The following KATNAL2 variants were observed in gnomAD, a reference collection of about 807,000 sequenced individuals.
The protein encoded by KATNAL2 is katanin catalytic subunit A1 like 2.
KATNAL2 carries 52 observed loss-of-function variants against 76.3 expected under a neutral mutation model. The ratio of observed to expected loss-of-function variants is 0.68; its 90% CI spans 0.55 to 0.86. The LOEUF is 0.86. Among genes scored for constraint, KATNAL2 ranks in the 40% least tolerant of loss-of-function variants. KATNAL2 has a pLI of 0.00. For synonymous variants in KATNAL2, 243 were observed against 244.2 expected (o/e 1.00, Z 0.05); for missense variants, 660 against 668.9 (o/e 0.99, Z 0.15).
chr18:47,063,749 T>G (rs572370429), intron 10 of KATNAL2, among the ~76,000 whole-genome samples: 1 of 152,278 alleles, frequency 6.6e-6, no homozygotes, highest in South Asian at 2.1e-4. Context: ...GGGAGTCTGA[T>G]GATATCATCA....
At chr18:47,095,552 C>A (rs1318605181) in intron 15 of KATNAL2, among the ~76,000 whole-genome samples, 1 of 152,200 alleles carries the variant, frequency 6.6e-6, no homozygotes, top group Non-Finnish European at 1.5e-5. Context: ...GTCAATTAAA[C>A]CCCTTTCCTT....
At chr18:47,034,016 A>T (rs761815595) in intron 3 of KATNAL2, 1 of 1,614,050 alleles carries the variant, frequency 6.2e-7, no homozygotes. Flanking sequence ...GTGCCCTTGG[A>T]TTCGTTTGCT....
chr18:47,098,873 T>A (rs72905421), intron 15 of KATNAL2: 5,990 of 184,536 alleles, frequency 0.032, 117 homozygotes, highest in Non-Finnish European at 0.04. Flanking sequence ...ACAACTGCAA[T>A]CAGAATACTC....
intron 3 of KATNAL2, chr18:47,033,752 C>A: frequency 1.9e-6 from 3 of 1,614,210 alleles, no homozygotes; most frequent in Non-Finnish European, 2.5e-6. Context: ...ACTCTGCGTC[C>A]AGGGAAAGCA....
chr18:47,100,224 G>C, intron 16 of KATNAL2, 30 bp from the exon 17 acceptor site: 1 of 1,547,598 alleles, frequency 6.5e-7, no homozygotes, highest in Non-Finnish European at 8.9e-7. Context: ...TCTGCCCACT[G>C]ACCAATGGCT....
intron 15 of KATNAL2, among the ~76,000 whole-genome samples, chr18:47,088,611 C>T (rs1240262703): frequency 6.6e-6 from 1 of 152,108 alleles, no homozygotes; most frequent in Non-Finnish European, 1.5e-5. Flanking sequence ...GGGGGTCTCA[C>T]TCTGTTACCC....
At chr18:46,927,123 C>T (rs1306866893) in intron 1 of KATNAL2, among the ~76,000 whole-genome samples, 2 of 152,116 alleles carry the variant, frequency 1.3e-5, no homozygotes, top group Non-Finnish European at 2.9e-5. Flanking sequence ...TTGATCCTGT[C>T]ATTATGATGT....
intron 3 of KATNAL2, chr18:47,033,961 T>G (rs1393073796): frequency 6.2e-7 from 1 of 1,613,164 alleles, no homozygotes; most frequent in Non-Finnish European, 8.5e-7. Context: ...TGACTGGCTT[T>G]CCTGGACAGG....
At chr18:47,048,904 G>C (rs528995929) in intron 4 of KATNAL2, among the ~76,000 whole-genome samples, 1 of 131,944 alleles carries the variant, frequency 7.6e-6, no homozygotes, top group Non-Finnish European at 1.5e-5. Context: ...GCGCGATCTC[G>C]GCTCACTGCA....
intron 3 of KATNAL2, chr18:47,033,949 T>C: frequency 1.2e-6 from 2 of 1,613,132 alleles, no homozygotes; most frequent in Non-Finnish European, 1.7e-6. Flanking sequence ...CTGCAGCCTC[T>C]CTGACTGGCT....
intron 4 of KATNAL2, among the ~76,000 whole-genome samples, chr18:47,051,727 C>T (rs2061346209): frequency 6.6e-6 from 1 of 152,156 alleles, no homozygotes; most frequent in Admixed American, 6.5e-5. Context: ...AGGAGAGATA[C>T]ATACATTTCA....
intron 11 of KATNAL2, among the ~76,000 whole-genome samples, chr18:47,068,623 C>T (rs1413673764): frequency 6.6e-6 from 1 of 152,148 alleles, no homozygotes; most frequent in Non-Finnish European, 1.5e-5. Context: ...CACACCCTCT[C>T]CCCCATTCTC....
chr18:47,053,073 GC>G, intron 5 of KATNAL2, 27 bp downstream of exon 5: 2 of 1,531,722 alleles, frequency 1.3e-6, no homozygotes, highest in Non-Finnish European at 1.8e-6. Flanking sequence ...TAGAGATAAG[GC>G]TTTGTCTCAT....
chr18:47,056,617 A>G (rs914840893), intron 6 of KATNAL2, among the ~76,000 whole-genome samples: 3 of 152,210 alleles, frequency 2.0e-5, no homozygotes, highest in Non-Finnish European at 4.4e-5. Context: ...CCATGTTCAG[A>G]AGAATTTTAC....
At chr18:47,034,058 C>A (rs892586) in intron 3 of KATNAL2, 896,137 of 1,613,932 alleles carry the variant, frequency 0.56, 250,699 homozygotes, top group East Asian at 0.71. Context: ...GCAGTGGTGG[C>A]AGATTTTCCA....
At chr18:47,032,711 T>C (rs909471268) in intron 3 of KATNAL2, 1 of 494,340 alleles carries the variant, frequency 2.0e-6, no homozygotes, top group Non-Finnish European at 3.5e-6. Context: ...TTTCCTTATT[T>C]ATGATTACAA....
intron 10 of KATNAL2, 41 bp downstream of exon 10, chr18:47,063,402 C>G (rs573468354): frequency 6.7e-7 from 1 of 1,483,990 alleles, no homozygotes; most frequent in African/African-American, 1.4e-5. Flanking sequence ...TGGAGGCAGG[C>G]TGGGGCTTCT....
chr18:46,928,665 T>G (rs1435202299), intron 1 of KATNAL2, among the ~76,000 whole-genome samples: 7 of 152,212 alleles, frequency 4.6e-5, no homozygotes. Flanking sequence ...CTGGGAGATG[T>G]GGACCGGAGC....
At chr18:47,040,355 A>G (rs961906609) in intron 3 of KATNAL2, among the ~76,000 whole-genome samples, 1 of 152,196 alleles carries the variant, frequency 6.6e-6, no homozygotes, top group Non-Finnish European at 1.5e-5. Flanking sequence ...TGTGCAGGGT[A>G]TGGATTTTAT....
Sources: allele counts gnomAD v4.1 joint callset (sites outside exome capture counted in the v4.1 genomes callset), GRCh38; gene constraint gnomAD v4.1.1; transcripts MANE v1.5; gene names NCBI Gene and HGNC (gene_info 2026-07-23, HGNC 2026-07-21).